ESRRG: variants seen among roughly 807,000 people sequenced by gnomAD.
ESRRG encodes the protein estrogen-related receptor gamma.
Under a neutral mutation model 44.0 loss-of-function variants are expected in ESRRG, and 13 were observed. The ratio of observed to expected loss-of-function variants is 0.30; its 90% CI spans 0.19 to 0.47. The LOEUF (loss-of-function observed/expected upper bound fraction) is 0.47, where lower values mean the gene tolerates loss of function less well. Among genes scored for constraint, ESRRG ranks in the 20% least tolerant of loss-of-function variants. ESRRG has a pLI of 1.00. For missense variants in ESRRG, 395 were observed against 580.6 expected, an observed-to-expected ratio of 0.68 and a Z score of 3.29; for synonymous variants, 215 against 214.6, an observed-to-expected ratio of 1.00 and a Z score of -0.02.
At chr1:217,092,695 T>C (rs1456462086), upstream of ESRRG, among the ~76,000 whole-genome samples, 15 of 152,214 alleles carry the variant, frequency 9.9e-5, no homozygotes, top group Admixed American at 9.8e-4. Flanking sequence ...CACTTCCCAA[T>C]TCCTTTCTGA....
intron 2 of ESRRG, among the ~76,000 whole-genome samples, chr1:216,847,842 C>A (rs180698685): frequency 4.6e-5 from 7 of 152,186 alleles, no homozygotes; most frequent in Admixed American, 3.9e-4. Flanking sequence ...GGTGGCTATG[C>A]CCTCTAACTC....
intron 1 of ESRRG, among the ~76,000 whole-genome samples, chr1:217,008,387 A>G (rs1289105151): frequency 6.6e-6 from 1 of 152,244 alleles, no homozygotes; most frequent in Non-Finnish European, 1.5e-5. Context: ...AGTATAATCT[A>G]GCAACTGAAT....
intron 1 of ESRRG, among the ~76,000 whole-genome samples, chr1:217,051,563 G>C (rs983387126): frequency 6.6e-6 from 1 of 152,154 alleles, no homozygotes; most frequent in Non-Finnish European, 1.5e-5. Flanking sequence ...ACTGGCATGG[G>C]CCATCCTTTA....
chr1:217,081,454 C>T (rs992127633), intron 1 of ESRRG, among the ~76,000 whole-genome samples: 8 of 151,764 alleles, frequency 5.3e-5, no homozygotes, highest in African/African-American at 1.7e-4. Context: ...CTCGAACTCC[C>T]GACCTCAGGT....
chr1:216,831,119 T>A (rs924318636), intron 2 of ESRRG, among the ~76,000 whole-genome samples: 10 of 151,928 alleles, frequency 6.6e-5, no homozygotes, highest in African/African-American at 2.2e-4. Flanking sequence ...AACAGGGTAA[T>A]TTTATACATG....
chr1:216,505,673 G>A lies in ESRRG; in HGVS notation c.*1266C>T, dbSNP rs2041075394. 6.6e-6 allele frequency: 1 copy of A among 152,512 alleles called. No individual in the cohort carries two copies. Among genetic ancestry groups the A allele is most frequent in the Non-Finnish European group, 1.5e-5 (1 of 68,022 alleles). 9.4% of individuals were successfully genotyped at this position (152,512 alleles called of 1,614,324 possible). On this transcript the variant is annotated 3_prime_UTR_variant, in exon 7 of 7. Coordinates refer to ENST00000408911, the MANE Select transcript of ESRRG (RefSeq NM_001438.4). ...TCTCATGTGCAGTGCTTATATATGTGACTACTCAGAGTCACTGTAGGTGTA... is the reference window on the plus strand; with the variant it reads ...TCTCATGTGCAGTGCTTATATATGTAACTACTCAGAGTCACTGTAGGTGTA...
At chr1:216,569,111 A>AGGAAGGAAGGAGGAAG (rs1553355981) in intron 3 of ESRRG, among the ~76,000 whole-genome samples, 3 of 104,468 alleles carry the variant, frequency 2.9e-5, no homozygotes, top group African/African-American at 7.1e-5. Flanking sequence ...GAAGGAAGGA[A>AGGAAGGAAGGAGGAAG]GAAGGAAGGA....
At chr1:216,556,019 A>T (rs774308646) in intron 5 of ESRRG, among the ~76,000 whole-genome samples, 2 of 151,832 alleles carry the variant, frequency 1.3e-5, no homozygotes, top group South Asian at 2.1e-4. Context: ...CATGTTCTGC[A>T]CTCCTCCCCC....
intron 1 of ESRRG, among the ~76,000 whole-genome samples, chr1:216,681,288 T>C (rs895377604): frequency 3.9e-5 from 6 of 152,074 alleles, no homozygotes; most frequent in African/African-American, 1.4e-4. Flanking sequence ...TATGAGACAC[T>C]AGGTTTTATT....
chr1:216,745,102 A>C (rs1178436447), intron 2 of ESRRG, among the ~76,000 whole-genome samples: 1 of 151,782 alleles, frequency 6.6e-6, no homozygotes, highest in Non-Finnish European at 1.5e-5. Flanking sequence ...TACTCCCTGG[A>C]TTTTGCTATA....
intron 1 of ESRRG, among the ~76,000 whole-genome samples, chr1:216,986,314 AC>A (rs879347726): frequency 1.3e-5 from 2 of 152,136 alleles, no homozygotes; most frequent in Non-Finnish European, 2.9e-5. Context: ...GAACGCTTCT[AC>A]CACTCCATCC....
At chr1:216,729,083 C>T (rs1366633884) in intron 2 of ESRRG, among the ~76,000 whole-genome samples, 2 of 152,188 alleles carry the variant, frequency 1.3e-5, no homozygotes, top group African/African-American at 4.8e-5. Flanking sequence ...GAGTCAGCTT[C>T]ACCCATCTTA....
intron 3 of ESRRG, among the ~76,000 whole-genome samples, chr1:216,635,845 G>T (rs1314399872): frequency 6.6e-6 from 1 of 151,990 alleles, no homozygotes; most frequent in Non-Finnish European, 1.5e-5. Flanking sequence ...TGGTCATTTT[G>T]GAGGGAAAAA....
intron 2 of ESRRG, among the ~76,000 whole-genome samples, chr1:216,816,386 ATGT>A (rs2095137714): frequency 6.6e-6 from 1 of 152,220 alleles, no homozygotes; most frequent in Non-Finnish European, 1.5e-5. Flanking sequence ...ATTTCAAAAC[ATGT>A]TGTGCCCAAT....
chr1:216,561,276 A>T (rs560179373), intron 5 of ESRRG, among the ~76,000 whole-genome samples: 6 of 152,300 alleles, frequency 3.9e-5, no homozygotes, highest in African/African-American at 1.4e-4. Flanking sequence ...ACTTAATTTT[A>T]AAAACATATA....
At chr1:216,559,648 T>C (rs2058324696) in intron 5 of ESRRG, among the ~76,000 whole-genome samples, 1 of 152,198 alleles carries the variant, frequency 6.6e-6, no homozygotes, top group Non-Finnish European at 1.5e-5. Context: ...AACATTAAAT[T>C]ATTTTTGCCA....
intron 5 of ESRRG, among the ~76,000 whole-genome samples, chr1:216,525,186 G>T (rs546135276): frequency 4.7e-5 from 7 of 148,714 alleles, no homozygotes; most frequent in Non-Finnish European, 4.6e-5. Flanking sequence ...ATGACAAGAG[G>T]TTTTGTTTTG....
chr1:216,752,834 C>G (rs2092145955), intron 2 of ESRRG, among the ~76,000 whole-genome samples: 1 of 152,014 alleles, frequency 6.6e-6, no homozygotes, highest in African/African-American at 2.4e-5. Flanking sequence ...CAGTTTCTTC[C>G]TCCATAAAAT....
chr1:216,862,486 A>G (rs1251477301), intron 2 of ESRRG: 3 of 152,306 alleles, frequency 2.0e-5, no homozygotes, highest in Admixed American at 6.5e-5. Flanking sequence ...CCAGGCTAAA[A>G]TAACACAAAA....
Sources: gnomAD v4.1 joint callset for allele counts (sites outside exome capture counted in the v4.1 genomes callset) on GRCh38, gnomAD v4.1.1 for gene constraint, MANE v1.5 for transcripts, NCBI Gene and HGNC (gene_info 2026-07-23, HGNC 2026-07-21) for gene names.